Variants in MB21D2 observed in about 807,000 individuals in gnomAD.
MB21D2 encodes the protein Mab-21 domain containing 2.
MB21D2 carries 9 observed loss-of-function variants against 33.3 expected under a neutral mutation model. That is an observed-to-expected ratio of 0.27 (90% CI 0.16 to 0.47). The LOEUF (loss-of-function observed/expected upper bound fraction) is 0.47. MB21D2 is among the 20% of genes least tolerant of loss of function. The pLI is 0.99. For synonymous variants in MB21D2, 241 were observed against 236.3 expected (o/e 1.02, Z -0.18); for missense variants, 540 against 624.6 (o/e 0.86, Z 1.44).
chr3:192,842,635 C>A (rs915077154), intron 1 of MB21D2, among the ~76,000 whole-genome samples: 1 of 151,960 alleles, frequency 6.6e-6, no homozygotes, highest in Non-Finnish European at 1.5e-5. Context: ...AGAGAAAATT[C>A]AAAAAATAAT....
chr3:192,828,095 C>A (rs1238649086), intron 1 of MB21D2, among the ~76,000 whole-genome samples: 1 of 152,030 alleles, frequency 6.6e-6, no homozygotes, highest in South Asian at 2.1e-4. Flanking sequence ...GTGAGGCCTC[C>A]CCAGCCATGT....
intron 1 of MB21D2, among the ~76,000 whole-genome samples, chr3:192,822,586 A>ATTTCT (rs796296139): frequency 2.0e-5 from 3 of 152,354 alleles, no homozygotes; most frequent in African/African-American, 7.2e-5. Context: ...AAACTTAGAA[A>ATTTCT]GAGTCTGACC....
chr3:192,890,755 T>C (rs1197248374), intron 1 of MB21D2, among the ~76,000 whole-genome samples: 2 of 152,034 alleles, frequency 1.3e-5, no homozygotes, highest in Admixed American at 1.3e-4. Flanking sequence ...ATACATGCTC[T>C]GAGGATATGG....
intron 1 of MB21D2, among the ~76,000 whole-genome samples, chr3:192,845,618 C>A (rs972764157): frequency 6.6e-6 from 1 of 152,242 alleles, no homozygotes; most frequent in Non-Finnish European, 1.5e-5. Context: ...TTGATAATCT[C>A]TGCCTTCACC....
intron 1 of MB21D2, among the ~76,000 whole-genome samples, chr3:192,914,927 T>G (rs974847390): frequency 6.6e-6 from 1 of 152,022 alleles, no homozygotes; most frequent in African/African-American, 2.4e-5. Context: ...CTAGACAAAA[T>G]GAAAAGGATC....
intron 1 of MB21D2, among the ~76,000 whole-genome samples, chr3:192,894,668 G>A (rs1713926475): frequency 6.6e-6 from 1 of 152,060 alleles, no homozygotes. Context: ...AGCGATTGGA[G>A]TTTCCACTTT....
chr3:192,835,995 G>A (rs907581340), intron 1 of MB21D2, among the ~76,000 whole-genome samples: 1 of 152,314 alleles, frequency 6.6e-6, no homozygotes, highest in African/African-American at 2.4e-5. Context: ...TAAGCTGGGT[G>A]TCTCTGAGGT....
intron 1 of MB21D2, among the ~76,000 whole-genome samples, chr3:192,890,906 T>G (rs1169010752): frequency 6.6e-6 from 1 of 152,038 alleles, no homozygotes; most frequent in Non-Finnish European, 1.5e-5. Context: ...ATTTTAAATA[T>G]TACTCATAAA....
intron 1 of MB21D2, among the ~76,000 whole-genome samples, chr3:192,818,220 G>A (rs116036803): frequency 5.7e-4 from 87 of 152,218 alleles, no homozygotes; most frequent in African/African-American, 2.1e-3. Flanking sequence ...GACAGGAACG[G>A]AGCCTTATTC....
intron 1 of MB21D2, among the ~76,000 whole-genome samples, chr3:192,902,175 A>C (rs1714118531): frequency 6.6e-6 from 1 of 152,176 alleles, no homozygotes; most frequent in South Asian, 2.1e-4. Context: ...TCAGAACCGT[A>C]AATTAGCAAC....
At chr3:192,917,500 C>T in intron 1 of MB21D2, 130 bp downstream of exon 1, 3 of 860,698 alleles carry the variant, frequency 3.5e-6, no homozygotes, top group Non-Finnish European at 3.7e-6. Context: ...ACAGAGATGG[C>T]TTATACCCAA....
chr3:192,836,729 C>T (rs1188426448), intron 1 of MB21D2, among the ~76,000 whole-genome samples: 6 of 152,168 alleles, frequency 3.9e-5, no homozygotes, highest in Non-Finnish European at 8.8e-5. Context: ...TGGTATTTTG[C>T]TACGGCAGAC....
At chr3:192,906,695 T>C (rs1311640536) in intron 1 of MB21D2, among the ~76,000 whole-genome samples, 2 of 152,248 alleles carry the variant, frequency 1.3e-5, no homozygotes, top group Non-Finnish European at 1.5e-5. Context: ...TTTACTTGCA[T>C]GCTTAATTTT....
At chr3:192,873,968 G>A (rs1303357443) in intron 1 of MB21D2, among the ~76,000 whole-genome samples, 2 of 152,162 alleles carry the variant, frequency 1.3e-5, no homozygotes, top group Non-Finnish European at 2.9e-5. Flanking sequence ...CCAAAGTGCT[G>A]GGCCTTAGTG....
At chr3:192,869,744 C>A (rs931395530) in intron 1 of MB21D2, among the ~76,000 whole-genome samples, 1 of 152,160 alleles carries the variant, frequency 6.6e-6, no homozygotes, top group Admixed American at 6.5e-5. Context: ...GCATATCTGC[C>A]ATCAATGAGC....
chr3:192,812,340 CT>C (rs11382217), intron 1 of MB21D2, among the ~76,000 whole-genome samples: 1 of 151,720 alleles, frequency 6.6e-6, no homozygotes, highest in Non-Finnish European at 1.5e-5. Flanking sequence ...CCGGCCTGTA[CT>C]TTTTTTAGTG....
intron 1 of MB21D2, among the ~76,000 whole-genome samples, chr3:192,890,805 G>A (rs1336419798): frequency 6.6e-6 from 1 of 152,020 alleles, no homozygotes; most frequent in Non-Finnish European, 1.5e-5. Flanking sequence ...CTCCATGGCA[G>A]GCGGTTATTG....
chr3:192,816,545 T>TAAA (rs1363587584), intron 1 of MB21D2, among the ~76,000 whole-genome samples: 1 of 152,196 alleles, frequency 6.6e-6, no homozygotes, highest in Admixed American at 6.5e-5. Flanking sequence ...CATAAATTTT[T>TAAA]AAAATTAATA....
At chr3:192,842,915 C>T (rs1712605508) in intron 1 of MB21D2, among the ~76,000 whole-genome samples, 1 of 152,306 alleles carries the variant, frequency 6.6e-6, no homozygotes, top group South Asian at 2.1e-4. Flanking sequence ...TAGCCTTTGG[C>T]AGACTGTGTC....
Sources: gnomAD v4.1 joint callset for allele counts (sites outside exome capture counted in the v4.1 genomes callset) on GRCh38, gnomAD v4.1.1 for gene constraint, MANE v1.5 for transcripts, NCBI Gene and HGNC (gene_info 2026-07-23, HGNC 2026-07-21) for gene names.